Variants in TARDBP observed in about 807,000 individuals in gnomAD.
TARDBP encodes TAR DNA binding protein.
Under a neutral mutation model 38.3 loss-of-function variants are expected in TARDBP, and 4 were observed. That is an observed-to-expected ratio of 0.10 (90% CI 0.05 to 0.24). The LOEUF (loss-of-function observed/expected upper bound fraction) is 0.24. Ranked by LOEUF, TARDBP falls within the 10% of genes least tolerant of loss-of-function variation. The probability of loss-of-function intolerance (pLI) is 1.00; values close to 1 mark genes in which losing one functional copy is unlikely to be tolerated. For synonymous variants in TARDBP, 184 were observed against 183.8 expected, an observed-to-expected ratio of 1.00 and a Z score of -0.01; for missense variants, 202 against 521.9, an observed-to-expected ratio of 0.39 and a Z score of 5.97.
At chr1:11,020,384 TCATAA>T in intron 4 of TARDBP, 40 bp from the exon 5 acceptor site, 2 of 1,611,176 alleles carry the variant, frequency 1.2e-6, no homozygotes, top group Non-Finnish European at 1.7e-6. Context: ...TTTTCATTGT[TCATAA>T]CATATTTCTG....
downstream of TARDBP, chr1:11,027,568 C>T: frequency 1.2e-6 from 2 of 1,614,178 alleles, no homozygotes; most frequent in Non-Finnish European, 1.7e-6. Context: ...AATATCAGGA[C>T]TTGCCAAGGA....
At chr1:11,021,927 G>A (rs1453889818) in intron 5 of TARDBP, among the ~76,000 whole-genome samples, 197 bp from the exon 6 acceptor site, 4 of 152,180 alleles carry the variant, frequency 2.6e-5, no homozygotes, top group African/African-American at 9.7e-5. Context: ...TATGTCTTTT[G>A]AAAATCGACT....
At chr1:11,013,487 C>T (rs1301983637) in intron 1 of TARDBP, among the ~76,000 whole-genome samples, 1 of 152,194 alleles carries the variant, frequency 6.6e-6, no homozygotes, top group African/African-American at 2.4e-5. Flanking sequence ...CATCATAAGC[C>T]TTCAGGGAAA....
In TARDBP at chr1:11,022,342, G is replaced by A. The variant is rs1643654678; in HGVS notation, c.933G>A (p.Met311Ile). ...NNQGSNMGGG[M>I]NFGAFSINPA... ...AAGGTAGTAATATGGGTGGTGGGAT[G>A]AACTTTGGTGCGTTCAGCATTAATC... The change falls in exon 6 of 6, where the codon ATG (methionine) becomes ATA (isoleucine). Residue 311 changes from methionine (M) to isoleucine (I), a missense_variant. Coordinates refer to ENST00000240185, the MANE Select transcript of TARDBP (RefSeq NM_007375.4). The surrounding 1 kb of genome is among the most constrained non-coding windows in gnomAD (Gnocchi z 4.5). 2.5e-6 allele frequency: 4 copies of A among 1,613,866 alleles called. No individual in the cohort carries two copies. Among genetic ancestry groups the A allele is most frequent in the Admixed American group, 1.7e-5 (1 of 59,996 alleles).
intron 3 of TARDBP, 148 bp downstream of exon 3, chr1:11,017,155 C>CCCCAATG: frequency 1.2e-6 from 1 of 849,450 alleles, no homozygotes; most frequent in Non-Finnish European, 1.9e-6. Flanking sequence ...CCTGCCTCGA[C>CCCCAATG]CCCAATGTGC....
Position 11,020,667 on chromosome 1 carries a change from G to GA in TARDBP, c.714+68_714+69insA, listed in dbSNP as rs70977536. 179 of 1,433,420 alleles carry GA rather than the reference G, an allele frequency of 1.2e-4. No homozygotes were observed. In the African/African-American group the frequency reaches 4.7e-3, roughly 38 times the overall value. 88.8% of individuals were successfully genotyped at this position (1,433,420 alleles called of 1,614,324 possible). A position where few individuals can be genotyped will look rare whatever the true frequency, so the allele number is the denominator to read the frequency against. On this transcript the variant is annotated intron_variant, in intron 5 of 5. Coordinates refer to ENST00000240185, the MANE Select transcript of TARDBP (RefSeq NM_007375.4). ...CTCATGCTTACAATCCCAGCACTTTGGAGGCCGAGGCGGGTGGATCACGAG... is the reference window on the plus strand; with the variant it reads ...CTCATGCTTACAATCCCAGCACTTTGAGAGGCCGAGGCGGGTGGATCACGAG...
downstream of TARDBP, chr1:11,027,645 C>T (rs1430457282): frequency 1.9e-6 from 3 of 1,594,814 alleles, no homozygotes; most frequent in Non-Finnish European, 2.6e-6. Flanking sequence ...TGATAGTCCA[C>T]AAACTGGAGA....
chr1:11,023,462 G>A lies in TARDBP; in HGVS notation c.*808G>A, dbSNP rs1192241350. ...CTTGTGTGGGATTGATGGTGGTGCC[G>A]AGGCATGAAAGGCTAGTATGAGCGA... On this transcript the variant is annotated 3_prime_UTR_variant, in exon 6 of 6. Coordinates refer to ENST00000240185, the MANE Select transcript of TARDBP (RefSeq NM_007375.4). 5 of 598,456 alleles carry A rather than the reference G, an allele frequency of 8.4e-6. No homozygotes were observed. Among genetic ancestry groups the A allele is most frequent in the African/African-American group, 1.9e-5 (1 of 53,812 alleles). The allele number at this position is 598,456 out of a possible 1,614,324, so 37.1% of individuals were successfully genotyped here. A position where few individuals can be genotyped will look rare whatever the true frequency, so the allele number is the denominator to read the frequency against.
rs1216302617 is a variant in TARDBP at position 11,022,688 on chromosome 1, T to G, written c.*34T>G. On this transcript the variant is annotated 3_prime_UTR_variant, in exon 6 of 6. Transcript: ENST00000240185. This position sits in a 1 kb window ranked among gnomAD's most constrained non-coding sequence, Gnocchi z 4.5. ...GTTGTGGTTGGTTGGTATAGAATGGTGGGAATTCAAATTTTTCTAAACTCA... is the reference window on the plus strand; with the variant it reads ...GTTGTGGTTGGTTGGTATAGAATGGGGGGAATTCAAATTTTTCTAAACTCA... The G allele has an allele frequency of 2.5e-6, 4 of 1,591,460 alleles. No homozygotes were observed. Among genetic ancestry groups the G allele is most frequent in the Non-Finnish European group, 2.6e-6 (3 of 1,170,214 alleles).
chr1:11,014,026 A>G (rs1643466976), intron 2 of TARDBP, 61 bp downstream of exon 2: 1 of 1,528,716 alleles, frequency 6.5e-7, no homozygotes, highest in Non-Finnish European at 9.1e-7. Context: ...TGTCTCATCC[A>G]TGGATCTTAG....
chr1:11,016,698 G>A lies in TARDBP; in HGVS notation c.239-146G>A. On this transcript the variant is annotated intron_variant, in intron 2 of 5. Transcript: ENST00000240185. ...ACTTAAGCCTTTATTCTGTCCTCTA[G>A]AGCAAACATCACTTCTTGCCAAGTT... 3 of 782,062 alleles carry A rather than the reference G, an allele frequency of 3.8e-6. No individual in the cohort carries two copies. The South Asian group carries it at 5.3e-5, about 14-fold the overall frequency. The allele number at this position is 782,062 out of a possible 1,614,324, so 48.4% of individuals were successfully genotyped here.
intron 2 of TARDBP, 22 bp from the exon 3 acceptor site, chr1:11,016,822 G>A (rs1388978807): frequency 6.2e-7 from 1 of 1,612,814 alleles, no homozygotes; most frequent in Non-Finnish European, 8.5e-7. Context: ...ATTTCTAAAA[G>A]GTTTCTGCTC....
rs1240414028 is a variant in TARDBP, at chr1:11,023,194, TC to T, written c.*541del. ...GAAGCCTTCATTTAATCTCTGCAGTTCATCTCATTTCAAATGTTTATGGAAG... is the reference window on the plus strand; with the variant it reads ...GAAGCCTTCATTTAATCTCTGCAGTTATCTCATTTCAAATGTTTATGGAAG... On this transcript the variant is annotated 3_prime_UTR_variant, in exon 6 of 6. Transcript: ENST00000240185. The T allele has an allele frequency of 6.5e-7, 1 of 1,550,354 alleles. No homozygotes were observed. Among genetic ancestry groups the T allele is most frequent in the Non-Finnish European group, 8.7e-7 (1 of 1,146,844 alleles).
At position 11,023,157 on chromosome 1, in the gene TARDBP, A is replaced by G. The variant is rs1643674008; in HGVS notation, c.*503A>G. On this transcript the variant is annotated 3_prime_UTR_variant, in exon 6 of 6. Coordinates refer to ENST00000240185, the MANE Select transcript of TARDBP (RefSeq NM_007375.4). ...TAACACTTGTCTCCCCTCATACACA[A>G]AAGTACAATATGAAGCCTTCATTTA... The G allele has an allele frequency of 5.2e-6, 8 of 1,548,394 alleles. No homozygotes were observed. The highest frequency in any genetic ancestry group is 7.0e-6 in the Non-Finnish European group (8 of 1,145,566).
At chr1:11,028,508 T>C (rs1017409817), downstream of TARDBP, among the ~76,000 whole-genome samples, 7 of 152,176 alleles carry the variant, frequency 4.6e-5, no homozygotes, top group African/African-American at 1.7e-4. Context: ...TAGTTGATTC[T>C]TCCAAACTAA....
In TARDBP at chr1:11,023,215, T is replaced by C. The variant is rs866509003; in HGVS notation, c.*561T>C. On this transcript the variant is annotated 3_prime_UTR_variant, in exon 6 of 6. Coordinates refer to ENST00000240185, the MANE Select transcript of TARDBP (RefSeq NM_007375.4). ...CAGTTCATCTCATTTCAAATGTTTATGGAAGAAGCACTTCATTGAAAGTAG... is the reference window on the plus strand; with the variant it reads ...CAGTTCATCTCATTTCAAATGTTTACGGAAGAAGCACTTCATTGAAAGTAG... The C allele has an allele frequency of 8.4e-6, 13 of 1,550,520 alleles. 1 individual carries two copies. In the Middle Eastern group the frequency reaches 2.2e-3, roughly 259 times the overall value.
downstream of TARDBP, chr1:11,027,671 A>G (rs1190727036): frequency 1.3e-6 from 2 of 1,555,078 alleles, no homozygotes; most frequent in Admixed American, 2.1e-5. Context: ...GCAGATAGGT[A>G]GAGAGCCTTT....
chr1:11,020,683 G>A lies in TARDBP; in HGVS notation c.714+84G>A, dbSNP rs1017964266. The A allele has an allele frequency of 5.9e-5, 87 of 1,471,174 alleles. 1 individual carries two copies. In the Middle Eastern group the frequency reaches 7.1e-4, roughly 12 times the overall value. 91.1% of individuals were successfully genotyped at this position (1,471,174 alleles called of 1,614,324 possible). A position where few individuals can be genotyped will look rare whatever the true frequency, so the allele number is the denominator to read the frequency against. ...CAGCACTTTGGAGGCCGAGGCGGGT[G>A]GATCACGAGGTCAGGAGATCAAGAC... On this transcript the variant is annotated intron_variant, in intron 5 of 5. Transcript: ENST00000240185.
Position 11,018,859 on chromosome 1 carries a change from C to A in TARDBP, c.529C>A (p.Leu177Ile). Reference protein sequence around the residue: ...MIDGRWCDCKLPNSKQSQDEP... With the variant: ...MIDGRWCDCKIPNSKQSQDEP... Reference sequence around the variant, plus strand: ...AGATGGACGATGGTGTGACTGCAAACTTCCTAATTCTAAGGTACTTGCGTC... The same window carrying A: ...AGATGGACGATGGTGTGACTGCAAAATTCCTAATTCTAAGGTACTTGCGTC... The change falls in exon 4 of 6, where the codon CTT (leucine) becomes ATT (isoleucine). Residue 177 changes from leucine (L) to isoleucine (I), a missense_variant. Transcript: ENST00000240185. 6.2e-7 allele frequency: 1 copy of A among 1,614,114 alleles called. No individual in the cohort carries two copies. The highest frequency in any genetic ancestry group is 8.5e-7 in the Non-Finnish European group (1 of 1,180,038).
Sources: gnomAD v4.1 joint callset for allele counts (sites outside exome capture counted in the v4.1 genomes callset) on GRCh38, gnomAD v4.1.1 for gene constraint, Gnocchi (gnomAD v3.1) non-coding constraint, MANE v1.5 for transcripts, NCBI Gene and HGNC (gene_info 2026-07-23, HGNC 2026-07-21) for gene names.